The following TNFRSF11B variants were observed in gnomAD, a reference collection of about 807,000 sequenced individuals.
TNFRSF11B encodes tumor necrosis factor receptor superfamily member 11B.
Under a neutral mutation model 43.4 loss-of-function variants are expected in TNFRSF11B, and 16 were observed. The observed-to-expected ratio is 0.37, with a 90% CI of 0.25 to 0.56. The LOEUF is 0.56. Among genes scored for constraint, TNFRSF11B ranks in the 20% least tolerant of loss-of-function variants. TNFRSF11B has a pLI of 0.80. For missense variants in TNFRSF11B, 444 were observed against 490.1 expected (o/e 0.91, Z 0.89); for synonymous variants, 185 against 181.8 (o/e 1.02, Z -0.14).
intron 4 of TNFRSF11B, among the ~76,000 whole-genome samples, chr8:118,925,186 T>G (rs962181692): frequency 3.9e-5 from 6 of 152,210 alleles, no homozygotes; most frequent in Non-Finnish European, 7.3e-5. Context: ...GTAACTAGCC[T>G]TTAAAGAATA....
At position 118,932,968 on chromosome 8, in the gene TNFRSF11B, A is replaced by G; in HGVS notation, c.363T>C (p.His121=). The part of the protein sequence containing the change: ...RYLEIEFCLK[H]RSCPPGFGVV... ...CTCCAAATCCAGGAGGGCAGCTCCT[A>G]TGTTTCAAGCAGAACTCTATCTCAA... Residue 121 remains histidine (H), a synonymous_variant, in exon 2 of 5, where the codon CAT becomes CAC. Coordinates refer to ENST00000297350, the MANE Select transcript of TNFRSF11B (RefSeq NM_002546.4). The G allele has an allele frequency of 1.2e-6, 2 of 1,614,194 alleles. No individual in the cohort carries two copies. Among genetic ancestry groups the G allele is most frequent in the South Asian group, 2.2e-5 (2 of 91,088 alleles).
intron 1 of TNFRSF11B, among the ~76,000 whole-genome samples, chr8:118,950,481 AT>A (rs1812625731): frequency 6.6e-6 from 1 of 152,218 alleles, no homozygotes; most frequent in African/African-American, 2.4e-5. Flanking sequence ...TCAAATCAGA[AT>A]ACTGATTGTT....
At position 118,924,854 on chromosome 8, in the gene TNFRSF11B, G is replaced by C. The variant is rs1029649150; in HGVS notation, c.818-92C>G. ...AAGCGTGAGGCAAAAGGTTCTTGCA[G>C]AATTTCATAATTATATTTCAATGAT... On this transcript the variant is annotated intron_variant, in intron 4 of 4. Transcript: ENST00000297350. 53 of 1,493,844 alleles carry C rather than the reference G, an allele frequency of 3.5e-5. No homozygotes were observed. The Middle Eastern group carries it at 5.1e-4, about 14-fold the overall frequency. 92.5% of individuals were successfully genotyped at this position (1,493,844 alleles called of 1,614,324 possible).
intron 1 of TNFRSF11B, among the ~76,000 whole-genome samples, chr8:118,939,023 A>G (rs1812442269): frequency 6.6e-6 from 1 of 152,152 alleles, no homozygotes; most frequent in Admixed American, 6.6e-5. Flanking sequence ...CTTTGCCACA[A>G]AGAACTATTT....
intron 4 of TNFRSF11B, among the ~76,000 whole-genome samples, chr8:118,925,564 C>G (rs187649062): frequency 2.5e-3 from 375 of 152,346 alleles, no homozygotes; most frequent in Non-Finnish European, 3.7e-3. Flanking sequence ...TAAGCAAAAG[C>G]AATCAGCTCT....
At chr8:118,929,636 G>T (rs1348111649) in intron 2 of TNFRSF11B, among the ~76,000 whole-genome samples, 2 of 152,208 alleles carry the variant, frequency 1.3e-5, no homozygotes, top group African/African-American at 2.4e-5. Context: ...CTTCATGATG[G>T]AAAAATATTT....
chr8:118,923,724 AATG>A lies in TNFRSF11B; in HGVS notation c.*647_*649del, dbSNP rs1812210903. The A allele has an allele frequency of 6.6e-6, 1 of 152,584 alleles. No individual in the cohort carries two copies. The allele number at this position is 152,584 out of a possible 1,614,324, so 9.5% of individuals were successfully genotyped here. ...TGACTAAATAATGCATTTTCTATAA[AATG>A]ATATTACAGCTTATACAGATAAAAT... On this transcript the variant is annotated 3_prime_UTR_variant, in exon 5 of 5. Coordinates refer to ENST00000297350, the MANE Select transcript of TNFRSF11B (RefSeq NM_002546.4).
Position 118,933,036 on chromosome 8 carries a change from G to A in TNFRSF11B, c.295C>T (p.Arg99Cys). 1 of 1,614,144 alleles carries A rather than the reference G, an allele frequency of 6.2e-7. No homozygotes were observed. Among genetic ancestry groups the A allele is most frequent in the Non-Finnish European group, 8.5e-7 (1 of 1,180,026 alleles). ...ELQYVKQECN[R>C]THNRVCECKE... Reference sequence around the variant, plus strand: ...CATTCGCACACGCGGTTGTGGGTGCGATTGCACTCCTGCTTGACGTACTGC... The same window carrying A: ...CATTCGCACACGCGGTTGTGGGTGCAATTGCACTCCTGCTTGACGTACTGC... Residue 99 changes from arginine to cysteine, a missense_variant, in exon 2 of 5, where the codon CGC becomes TGC. Physicochemically the swap from Arg to Cys is radical, Grantham distance 180. Transcript: ENST00000297350.
intron 1 of TNFRSF11B, among the ~76,000 whole-genome samples, chr8:118,934,859 G>A (rs1812380130): frequency 6.6e-6 from 1 of 152,168 alleles, no homozygotes; most frequent in African/African-American, 2.4e-5. Flanking sequence ...ACACCCTTTT[G>A]AATTAGGGGT....
Position 118,924,538 on chromosome 8 carries a change from C to T in TNFRSF11B, c.1042G>A (p.Ala348Thr), listed in dbSNP as rs760601102. 6.8e-6 allele frequency: 11 copies of T among 1,614,112 alleles called. No individual in the cohort carries two copies. Among genetic ancestry groups the T allele is most frequent in the Admixed American group, 1.7e-5 (1 of 60,008 alleles). ...TGGTACGTCTTTGAGTGCTTTAGTG[C>T]GTGCATTAGGCCCTTCAAGGTGTCT... ...DQDTLKGLMHALKHSKTYHFP... is the reference protein window; with the variant it reads ...DQDTLKGLMHTLKHSKTYHFP... The change falls in exon 5 of 5, where the codon GCA becomes ACA. Residue 348 changes from alanine to threonine, a missense_variant. Coordinates refer to ENST00000297350, the MANE Select transcript of TNFRSF11B (RefSeq NM_002546.4).
At chr8:118,941,650 TATG>T (rs1172815543) in intron 1 of TNFRSF11B, among the ~76,000 whole-genome samples, 9 of 152,200 alleles carry the variant, frequency 5.9e-5, no homozygotes. Context: ...TGAATTTGCT[TATG>T]ATGTTTTTTG....
chr8:118,929,413 G>T (rs766148513), intron 2 of TNFRSF11B, among the ~76,000 whole-genome samples: 4 of 152,192 alleles, frequency 2.6e-5, no homozygotes, highest in Admixed American at 6.5e-5. Flanking sequence ...TCCTAATTGT[G>T]AAGCAACTCC....
At position 118,933,079 on chromosome 8, in the gene TNFRSF11B, G is replaced by T; in HGVS notation, c.252C>A (p.Ser84Arg). 1.2e-6 allele frequency: 2 copies of T among 1,614,172 alleles called. No homozygotes were observed. The highest frequency in any genetic ancestry group is 1.7e-6 in the Non-Finnish European group (2 of 1,180,042). The change falls in exon 2 of 5, where the codon AGC (serine) becomes AGA (arginine). Residue 84 changes from serine to arginine, a missense_variant. By Grantham distance (110) the Ser-to-Arg change is moderately radical. Coordinates refer to ENST00000297350, the MANE Select transcript of TNFRSF11B (RefSeq NM_002546.4). ...WHTSDECLYC[S>R]PVCKELQYVK... is the part of the protein sequence containing the mutation. Reference sequence around the variant, plus strand: ...CGTACTGCAGCTCCTTGCACACGGGGCTGCAGTATAGACACTCGTCACTGG... The same window carrying T: ...CGTACTGCAGCTCCTTGCACACGGGTCTGCAGTATAGACACTCGTCACTGG...
intron 1 of TNFRSF11B, among the ~76,000 whole-genome samples, chr8:118,935,015 C>T (rs1812382647): frequency 6.6e-6 from 1 of 152,206 alleles, no homozygotes; most frequent in African/African-American, 2.4e-5. Context: ...AATGAAACAT[C>T]TCATCCGGTC....
Position 118,924,618 on chromosome 8 carries a change from G to A in TNFRSF11B, c.962C>T (p.Pro321Leu). ...GAGCAGCTTCAGGATCTGGTCACTG[G>A]GTTTGCATGCCTTTATTGTTTTTTC... ...DIEKTIKACK[P>L]SDQILKLLSL... is the part of the protein sequence containing the mutation. Residue 321 changes from proline to leucine, a missense_variant, in exon 5 of 5, where the codon CCC becomes CTC. Transcript: ENST00000297350. 1 of 1,614,102 alleles carries A rather than the reference G, an allele frequency of 6.2e-7. No homozygotes were observed. The highest frequency in any genetic ancestry group is 8.5e-7 in the Non-Finnish European group (1 of 1,180,034).
intron 3 of TNFRSF11B, among the ~76,000 whole-genome samples, chr8:118,927,658 A>G (rs1382587257): frequency 6.6e-6 from 1 of 151,522 alleles, no homozygotes. Context: ...TCTCATATAT[A>G]TATCAATTCA....
chr8:118,950,999 G>A (rs1437745978), intron 1 of TNFRSF11B, among the ~76,000 whole-genome samples: 2 of 151,888 alleles, frequency 1.3e-5, no homozygotes, highest in African/African-American at 4.8e-5. Flanking sequence ...TAAGTCATTG[G>A]TCATAGAAAA....
At chr8:118,944,720 T>C (rs1302406382) in intron 1 of TNFRSF11B, among the ~76,000 whole-genome samples, 1 of 152,146 alleles carries the variant, frequency 6.6e-6, no homozygotes, top group African/African-American at 2.4e-5. Flanking sequence ...GTGTAGTTGT[T>C]AATGGTCATG....
In TNFRSF11B at chr8:118,924,743, G is replaced by T; in HGVS notation, c.837C>A (p.Asn279Lys). The change falls in exon 5 of 5, where the codon AAC (asparagine) becomes AAA (lysine). Residue 279 changes from asparagine to lysine, a missense_variant. Transcript: ENST00000297350. ...KIIQDIDLCE[N>K]SVQRHIGHAN... The stretch of plus-strand genomic sequence containing the variant: ...CATGTCCAATGTGCCGCTGCACGCT[G>T]TTTTCACAGAGGTCAATATCTGCAT... The T allele has an allele frequency of 6.2e-7, 1 of 1,614,112 alleles. No homozygotes were observed. Among genetic ancestry groups the T allele is most frequent in the Non-Finnish European group, 8.5e-7 (1 of 1,180,018 alleles).
Sources: gnomAD v4.1 joint callset for allele counts (sites outside exome capture counted in the v4.1 genomes callset) on GRCh38, gnomAD v4.1.1 for gene constraint, MANE v1.5 for transcripts, NCBI Gene and HGNC (gene_info 2026-07-23, HGNC 2026-07-21) for gene names.